APC: variants seen among roughly 807,000 people sequenced by gnomAD.
APC encodes adenomatous polyposis coli protein.
A neutral mutation model predicts 247.0 loss-of-function variants in APC; 72 were observed. The ratio of observed to expected loss-of-function variants is 0.29; its 90% CI spans 0.24 to 0.35. The LOEUF is 0.35. Among genes scored for constraint, APC ranks in the 10% least tolerant of loss-of-function variants. The probability of loss-of-function intolerance (pLI) is 1.00; values close to 1 mark genes in which losing one functional copy is unlikely to be tolerated. For synonymous variants in APC, 1,254 were observed against 1,162.5 expected (o/e 1.08, Z -1.60); for missense variants, 3,400 against 3,360.7 (o/e 1.01, Z -0.29).
chr5:112,742,041 G>T (rs1415172538), intron 1 of APC, among the ~76,000 whole-genome samples: 1 of 152,108 alleles, frequency 6.6e-6, no homozygotes, highest in East Asian at 1.9e-4. Flanking sequence ...ACTTCAGGTT[G>T]TTTCCACCTT....
intron 1 of APC, among the ~76,000 whole-genome samples, chr5:112,727,701 T>G (rs1423025436): frequency 6.6e-6 from 1 of 152,210 alleles, no homozygotes; most frequent in Non-Finnish European, 1.5e-5. Context: ...AAAATCATCC[T>G]ATGTGCTACT....
chr5:112,723,713 C>T (rs1398319845), intron 1 of APC, among the ~76,000 whole-genome samples: 1 of 152,158 alleles, frequency 6.6e-6, no homozygotes, highest in African/African-American at 2.4e-5. Context: ...CCATTACTAC[C>T]ATGTGTAACA....
intron 10 of APC, among the ~76,000 whole-genome samples, chr5:112,820,913 A>G (rs1763057531): frequency 6.6e-6 from 1 of 151,986 alleles, no homozygotes; most frequent in African/African-American, 2.4e-5. Flanking sequence ...CCAGACTGTA[A>G]TGCAGTGGTG....
At chr5:112,738,354 A>G in intron 1 of APC, 1 of 985,584 alleles carries the variant, frequency 1.0e-6, no homozygotes, top group Non-Finnish European at 1.2e-6. Flanking sequence ...GGCGACAAGG[A>G]CACATGCATT....
At chr5:112,770,753 C>G (rs1014470381) in intron 4 of APC, among the ~76,000 whole-genome samples, 1 of 152,092 alleles carries the variant, frequency 6.6e-6, no homozygotes, top group Admixed American at 6.5e-5. Context: ...GACTTACTGA[C>G]TCACCACTCT....
rs1561618361 is a variant in APC, at chr5:112,843,387, CCAAA to C, written c.7798_7801del (p.Gln2600ValfsTer15). ...AAACATGTGAACTCTATTTCAGGAA[CCAAA>C]CAAAGTAAAGAAAACCAAGTATCCG... On this transcript the variant is annotated frameshift_variant, in exon 16 of 16. Transcript: ENST00000257430. LOFTEE classifies it high-confidence loss of function. The surrounding 1 kb of genome is among the most constrained non-coding windows in gnomAD (Gnocchi z 4.8). 3 of 1,613,382 alleles carry C rather than the reference CCAAA, an allele frequency of 1.9e-6. No homozygotes were observed. Among genetic ancestry groups the C allele is most frequent in the South Asian group, 1.1e-5 (1 of 90,980 alleles).
chr5:112,795,589 CT>C (rs1206884007), intron 7 of APC, among the ~76,000 whole-genome samples: 1 of 152,184 alleles, frequency 6.6e-6, no homozygotes, highest in African/African-American at 2.4e-5. Context: ...ACACACACCC[CT>C]ATCACTCGAG....
chr5:112,726,026 G>A (rs367638679), intron 1 of APC, among the ~76,000 whole-genome samples: 5 of 152,116 alleles, frequency 3.3e-5, no homozygotes, highest in South Asian at 2.1e-4. Flanking sequence ...TCAGGCCACC[G>A]TCCATGCTCA....
At position 112,838,726 on chromosome 5, in the gene APC, A is replaced by G. The variant is rs1765340862; in HGVS notation, c.3132A>G (p.Ser1044=). The change falls in exon 16 of 16, where the codon TCA becomes TCG. Residue 1044 remains serine, a synonymous_variant. Coordinates refer to ENST00000257430, the MANE Select transcript of APC (RefSeq NM_000038.6). The part of the protein sequence containing the change: ...EQLNSGRQSP[S]QNERWARPKH... Reference sequence around the variant, plus strand: ...TGAACTCTGGAAGGCAAAGTCCTTCACAGAATGAAAGATGGGCAAGACCCA... The same window carrying G: ...TGAACTCTGGAAGGCAAAGTCCTTCGCAGAATGAAAGATGGGCAAGACCCA... 6.2e-7 allele frequency: 1 copy of G among 1,614,080 alleles called. No homozygotes were observed. The highest frequency in any genetic ancestry group is 8.5e-7 in the Non-Finnish European group (1 of 1,180,016).
intron 9 of APC, among the ~76,000 whole-genome samples, chr5:112,815,895 C>T (rs919070335): frequency 2.6e-5 from 4 of 152,164 alleles, no homozygotes; most frequent in African/African-American, 7.2e-5. Context: ...GAGATTACAC[C>T]GCTTTCTAGT....
intron 14 of APC, among the ~76,000 whole-genome samples, chr5:112,830,341 A>G (rs1380257768): frequency 2.9e-5 from 3 of 104,232 alleles, no homozygotes. Flanking sequence ...AGGGAATACA[A>G]ATTAAAACTA....
chr5:112,723,106 A>G (rs1289390900), intron 1 of APC, among the ~76,000 whole-genome samples: 1 of 151,706 alleles, frequency 6.6e-6, no homozygotes, highest in Admixed American at 6.6e-5. Flanking sequence ...CTAGAGAGAG[A>G]GATTCTGTTC....
intron 2 of APC, among the ~76,000 whole-genome samples, chr5:112,763,583 A>G (rs1410105068): frequency 1.3e-5 from 2 of 152,028 alleles, no homozygotes; most frequent in Non-Finnish European, 2.9e-5. Context: ...GTTTTGAAAA[A>G]ATTAGATGTA....
chr5:112,731,013 A>G (rs1581046378), intron 1 of APC, among the ~76,000 whole-genome samples: 1 of 152,046 alleles, frequency 6.6e-6, no homozygotes, highest in South Asian at 2.1e-4. Flanking sequence ...TTTATATCAT[A>G]TTAAACAGAC....
intron 1 of APC, among the ~76,000 whole-genome samples, chr5:112,727,840 T>A (rs1751876924): frequency 6.6e-6 from 1 of 152,002 alleles, no homozygotes; most frequent in Non-Finnish European, 1.5e-5. Flanking sequence ...TTGGGGGCGG[T>A]CTTATAGCTG....
Position 112,845,587 on chromosome 5 carries a change from G to A in APC, c.*1461G>A, listed in dbSNP as rs985355685. The A allele has an allele frequency of 1.3e-5, 3 of 232,390 alleles. No individual in the cohort carries two copies. Among genetic ancestry groups the A allele is most frequent in the Middle Eastern group, 1.3e-3 (1 of 798 alleles). 14.4% of individuals were successfully genotyped at this position (232,390 alleles called of 1,614,324 possible). On this transcript the variant is annotated 3_prime_UTR_variant, in exon 16 of 16. Transcript: ENST00000257430. The stretch of plus-strand genomic sequence containing the variant: ...GGAACTTTAGAGGTAGATTTAATAC[G>A]ATTAAGATATTCAGAAGTATATTTT...
chr5:112,797,137 A>G lies in APC; in HGVS notation c.730-4142A>G, dbSNP rs186622061. ...TTAGGGCAGACTGTCTGCTACTATG[A>G]TCCAACCTCTTATTGCTTCCTTTTG... On this transcript the variant is annotated intron_variant, in intron 7 of 15. Transcript: ENST00000257430. Among the ~76,000 whole-genome samples the G allele has an allele frequency of 1.4e-3, 215 of 152,256 alleles. 3 individuals carry two copies. The highest frequency in any genetic ancestry group is 5.1e-3 in the African/African-American group (210 of 41,554).
At chr5:112,728,541 G>A (rs541793918) in intron 1 of APC, among the ~76,000 whole-genome samples, 1 of 152,264 alleles carries the variant, frequency 6.6e-6, no homozygotes, top group South Asian at 2.1e-4. Context: ...AGTTTTAACC[G>A]ATTAGGACAT....
At position 112,842,506 on chromosome 5, in the gene APC, T is replaced by C. The variant is rs1210017216; in HGVS notation, c.6912T>C (p.Ser2304=). 6.8e-6 allele frequency: 11 copies of C among 1,614,042 alleles called. No individual in the cohort carries two copies. The highest frequency in any genetic ancestry group is 9.3e-6 in the Non-Finnish European group (11 of 1,179,964). Reference sequence around the variant, plus strand: ...GTAAAGCACCTTCTAGATCAGGATCTAGAGATTCGACCCCTTCAAGACCTG... The same window carrying C: ...GTAAAGCACCTTCTAGATCAGGATCCAGAGATTCGACCCCTTCAAGACCTG... ...GSSKAPSRSG[S]RDSTPSRPAQ... is the part of the protein sequence containing the mutation. The change falls in exon 16 of 16, where the codon TCT becomes TCC. Residue 2304 remains serine, a synonymous_variant. Transcript: ENST00000257430.
Sources: allele counts gnomAD v4.1 joint callset (sites outside exome capture counted in the v4.1 genomes callset), GRCh38; gene constraint gnomAD v4.1.1; non-coding constraint Gnocchi (gnomAD v3.1); transcripts MANE v1.5; gene names NCBI Gene and HGNC (gene_info 2026-07-23, HGNC 2026-07-21).